Variants in MEGF8 observed in about 807,000 individuals in gnomAD.
The protein encoded by MEGF8 is multiple epidermal growth factor-like domains protein 8.
A neutral mutation model predicts 302.9 loss-of-function variants in MEGF8; 156 were observed. That is an observed-to-expected ratio of 0.52 (90% CI 0.45 to 0.59). MEGF8 has a LOEUF of 0.59. MEGF8 is among the 20% of genes least tolerant of loss of function. MEGF8 has a pLI of 0.00. For missense variants in MEGF8, 3,345 were observed against 3,964.5 expected, an observed-to-expected ratio of 0.84 and a Z score of 4.20; for synonymous variants, 1,621 against 1,660.5, an observed-to-expected ratio of 0.98 and a Z score of 0.58.
At position 42,357,005 on chromosome 19, in the gene MEGF8, T is replaced by C. The variant is rs559727463; in HGVS notation, c.4830+24T>C. 1 of 1,548,722 alleles carries C rather than the reference T, an allele frequency of 6.5e-7. No individual in the cohort carries two copies. Among genetic ancestry groups the C allele is most frequent in the South Asian group, 1.2e-5 (1 of 83,234 alleles). ...AGGTGAGCATCTCTCCCCAGCCCAC[T>C]CCCCAGCCCTCACACTGGGCCCTGA... is the stretch of plus-strand genomic sequence containing the variant. On this transcript the variant is annotated intron_variant, in intron 27 of 41. Coordinates refer to ENST00000251268, the MANE Select transcript of MEGF8 (RefSeq NM_001271938.2). The surrounding 1 kb of genome is among the most constrained non-coding windows in gnomAD (Gnocchi z 5.2).
chr19:42,329,988 G>C (rs1351663942), intron 1 of MEGF8, among the ~76,000 whole-genome samples: 1 of 151,986 alleles, frequency 6.6e-6, no homozygotes, highest in African/African-American at 2.4e-5. Context: ...TGTTGCCCAG[G>C]CTGGAGTGCA....
At chr19:42,365,658 G>C (rs1455975211) in intron 35 of MEGF8, among the ~76,000 whole-genome samples, 7 of 150,676 alleles carry the variant, frequency 4.6e-5, no homozygotes, top group African/African-American at 1.7e-4. Flanking sequence ...TGTAGTCCCA[G>C]CTACTTGGGA....
chr19:42,345,699 T>C (rs1056714281), intron 12 of MEGF8, among the ~76,000 whole-genome samples: 1 of 152,270 alleles, frequency 6.6e-6, no homozygotes, highest in African/African-American at 2.4e-5. Flanking sequence ...CATCAGCTGA[T>C]GGACGTTTGG....
rs762369657 is a variant in MEGF8 at position 42,352,342 on chromosome 19, G to T, written c.3236G>T (p.Arg1079Leu). The T allele has an allele frequency of 1.9e-6, 3 of 1,586,816 alleles. No individual in the cohort carries two copies. Among genetic ancestry groups the T allele is most frequent in the South Asian group, 1.1e-5 (1 of 87,128 alleles). ...CGCTGTCCTGACGTGGATGAGTGTC[G>T]CCTGGGCCTGGCCCGGTGCCACCCG... is the stretch of plus-strand genomic sequence containing the variant. ...YARCPDVDEC[R>L]LGLARCHPRA... Residue 1079 changes from arginine to leucine, a missense_variant, in exon 19 of 42, where the codon CGC (arginine) becomes CTC (leucine). Arg to Leu is a moderately radical substitution (Grantham distance 102, BLOSUM62 -2). Transcript: ENST00000251268. The surrounding 1 kb of genome is among the most constrained non-coding windows in gnomAD (Gnocchi z 4.4).
chr19:42,354,415 C>A lies in MEGF8; in HGVS notation c.4012-173C>A, dbSNP rs946714777. On this transcript the variant is annotated intron_variant, in intron 22 of 41. Transcript: ENST00000251268. The surrounding 1 kb of genome is among the most constrained non-coding windows in gnomAD (Gnocchi z 4.3). ...AGATGAGCCGTGTCTACTTTGGACA[C>A]AGGAAGGGGAGTGGTGGCCTTATGC... Among the ~76,000 whole-genome samples the A allele has an allele frequency of 5.9e-5, 9 of 152,112 alleles. No homozygotes were observed. The highest frequency in any genetic ancestry group is 1.3e-4 in the Non-Finnish European group (9 of 68,028).
At chr19:42,332,349 T>C (rs1297925831) in intron 1 of MEGF8, among the ~76,000 whole-genome samples, 8 of 152,166 alleles carry the variant, frequency 5.3e-5, no homozygotes, top group Non-Finnish European at 1.5e-5. Flanking sequence ...GTGTGGCCTT[T>C]TCTTGTGGCT....
At position 42,376,476 on chromosome 19, in the gene MEGF8, A is replaced by T; in HGVS notation, c.8239A>T (p.Met2747Leu). The change falls in exon 42 of 42, where the codon ATG (methionine) becomes TTG (leucine). Residue 2747 changes from methionine to leucine, a missense_variant. Met to Leu is a conservative substitution (Grantham distance 15, BLOSUM62 2). Transcript: ENST00000251268. The surrounding 1 kb of genome is among the most constrained non-coding windows in gnomAD (Gnocchi z 8.2). ...AGGGGCCGGTGGGCCCTGGGGACCC[A>T]TGGGAGGGGGCTGCTGCCCACCAGC... ...LTGAGGPWGP[M>L]GGGCCPPAIP... The T allele has an allele frequency of 6.2e-7, 1 of 1,603,798 alleles. No homozygotes were observed. Among genetic ancestry groups the T allele is most frequent in the South Asian group, 1.1e-5 (1 of 90,114 alleles).
intron 8 of MEGF8, among the ~76,000 whole-genome samples, chr19:42,340,728 CA>C (rs1424424800): frequency 1.3e-5 from 2 of 151,938 alleles, no homozygotes; most frequent in African/African-American, 4.8e-5. Flanking sequence ...AGTGCGGTAG[CA>C]TAGTCTCCAC....
chr19:42,334,976 GTC>G (rs1017131723), intron 3 of MEGF8, 57 bp from the exon 4 acceptor site: 28 of 1,507,220 alleles, frequency 1.9e-5, no homozygotes, highest in African/African-American at 9.8e-5. Flanking sequence ...TGTCTCCTTT[GTC>G]TCTCTGTCCT....
At chr19:42,332,765 G>A (rs1302980949) in intron 1 of MEGF8, among the ~76,000 whole-genome samples, 2 of 152,228 alleles carry the variant, frequency 1.3e-5, no homozygotes, top group Non-Finnish European at 2.9e-5. Flanking sequence ...AGCCTTGGAA[G>A]TTTCAGAATT....
rs1422305254 is a variant in MEGF8, at chr19:42,377,918, A to G, written c.*1143A>G. ...TGAGGGAGTCTGGCTCAGATGTGGG[A>G]TGTGTATGGAAGAATATAAATGATG... On this transcript the variant is annotated 3_prime_UTR_variant, in exon 42 of 42. Transcript: ENST00000251268. 2 of 152,158 alleles carry G rather than the reference A, an allele frequency of 1.3e-5. No individual in the cohort carries two copies. Among genetic ancestry groups the G allele is most frequent in the Non-Finnish European group, 2.9e-5 (2 of 68,108 alleles). 9.4% of individuals were successfully genotyped at this position (152,158 alleles called of 1,614,324 possible).
At position 42,335,373 on chromosome 19, in the gene MEGF8, G is replaced by C. The variant is rs750556225; in HGVS notation, c.816G>C (p.Leu272=). ...CCAACACCTGGGAGTCTTGGGACCT[G>C]AGTCCTGCCCCGGTATGGACCCCTC... is the stretch of plus-strand genomic sequence containing the variant. ...FSANTWESWD[L]SPAPAARHSH... is the part of the protein sequence containing the mutation. Residue 272 remains leucine (L), a synonymous_variant, in exon 5 of 42, where the codon CTG becomes CTC. Coordinates refer to ENST00000251268, the MANE Select transcript of MEGF8 (RefSeq NM_001271938.2). 1 of 1,614,014 alleles carries C rather than the reference G, an allele frequency of 6.2e-7. No homozygotes were observed. Among genetic ancestry groups the C allele is most frequent in the Non-Finnish European group, 8.5e-7 (1 of 1,179,866 alleles).
rs1207577441 is a variant in MEGF8 at position 42,351,277 on chromosome 19, G to A, written c.2798G>A (p.Arg933Gln). The A allele has an allele frequency of 2.0e-5, 32 of 1,572,454 alleles. No homozygotes were observed. The highest frequency in any genetic ancestry group is 2.6e-5 in the Non-Finnish European group (30 of 1,158,702). Residue 933 changes from arginine to glutamine, a missense_variant, in exon 16 of 42, where the codon CGG becomes CAG. By Grantham distance (43) the Arg-to-Gln change is conservative. Transcript: ENST00000251268. This position sits in a 1 kb window ranked among gnomAD's most constrained non-coding sequence, Gnocchi z 5.6. Reference sequence around the variant, plus strand: ...AAAGGGGACGCGGCATGCAGCCGGCGGGGCCGGGGTCGGGGTGCCCTGAAG... The same window carrying A: ...AAAGGGGACGCGGCATGCAGCCGGCAGGGCCGGGGTCGGGGTGCCCTGAAG... ...SRKGDAACSRRGRGRGALKSP... is the reference protein window; with the variant it reads ...SRKGDAACSRQGRGRGALKSP...
rs1225574443 is a variant in MEGF8, at chr19:42,375,786, C to G, written c.7549C>G (p.Pro2517Ala). ...TGACACCTTCGTGGTCCGTGTGGCC[C>G]CTGACACTGGCGTCCATACTGTACA... ...SYDTFVVRVAPDTGVHTVHIQ... is the reference protein window; with the variant it reads ...SYDTFVVRVAADTGVHTVHIQ... Residue 2517 changes from proline to alanine, a missense_variant, in exon 42 of 42, where the codon CCT (proline) becomes GCT (alanine). Coordinates refer to ENST00000251268, the MANE Select transcript of MEGF8 (RefSeq NM_001271938.2). The surrounding 1 kb of genome is among the most constrained non-coding windows in gnomAD (Gnocchi z 7.1). 1 of 1,612,878 alleles carries G rather than the reference C, an allele frequency of 6.2e-7. No individual in the cohort carries two copies. The highest frequency in any genetic ancestry group is 8.5e-7 in the Non-Finnish European group (1 of 1,179,834).
chr19:42,361,866 C>T (rs2039536047), intron 32 of MEGF8, among the ~76,000 whole-genome samples: 1 of 152,086 alleles, frequency 6.6e-6, no homozygotes, highest in Admixed American at 6.5e-5. Flanking sequence ...GCTTCGGTGG[C>T]TGCATGGGCA....
In MEGF8 at chr19:42,326,571, A is replaced by C; in HGVS notation, c.187+141A>C. 4 of 1,341,846 alleles carry C rather than the reference A, an allele frequency of 3.0e-6. No individual in the cohort carries two copies. The South Asian group carries it at 7.0e-5, about 23-fold the overall frequency. 83.1% of individuals were successfully genotyped at this position (1,341,846 alleles called of 1,614,324 possible). ...TGCCTGACACCCAGGGTTGCAGCCA[A>C]CCTGGGCCCTGCCCTGGAAGGCCTC... On this transcript the variant is annotated intron_variant, in intron 1 of 41. Transcript: ENST00000251268.
In MEGF8 at chr19:42,354,802, C is replaced by T; in HGVS notation, c.4144+82C>T. 1 of 1,447,914 alleles carries T rather than the reference C, an allele frequency of 6.9e-7. No individual in the cohort carries two copies. The highest frequency in any genetic ancestry group is 1.3e-5 in the South Asian group (1 of 74,558). The allele number at this position is 1,447,914 out of a possible 1,614,324, so 89.7% of individuals were successfully genotyped here. A position where few individuals can be genotyped will look rare whatever the true frequency, so the allele number is the denominator to read the frequency against. On this transcript the variant is annotated intron_variant, in intron 23 of 41. Transcript: ENST00000251268. The surrounding 1 kb of genome is among the most constrained non-coding windows in gnomAD (Gnocchi z 4.3). Reference sequence around the variant, plus strand: ...CTGAACTCACCACCTGAAGTGGGCTCAGGACCCAGCTCTGCCGCTGCTTAT... The same window carrying T: ...CTGAACTCACCACCTGAAGTGGGCTTAGGACCCAGCTCTGCCGCTGCTTAT...
rs370533137 is a variant in MEGF8 at position 42,326,112 on chromosome 19, G to C, written c.-132G>C. 2.2e-6 allele frequency: 3 copies of C among 1,342,564 alleles called. No individual in the cohort carries two copies. Among genetic ancestry groups the C allele is most frequent in the Admixed American group, 8.2e-5 (2 of 24,300 alleles). The allele number at this position is 1,342,564 out of a possible 1,614,324, so 83.2% of individuals were successfully genotyped here. A position where few individuals can be genotyped will look rare whatever the true frequency, so the allele number is the denominator to read the frequency against. ...CCTTCGCCGGGACTGCCGGGTCTCC[G>C]GGACCTCTTCGATCTACAAGGTCAT... On this transcript the variant is annotated 5_prime_UTR_variant, in exon 1 of 42. Transcript: ENST00000251268.
rs761765707 is a variant in MEGF8, at chr19:42,351,260, C to A, written c.2781C>A (p.Asp927Glu). ...EWHQSTSRKG[D>E]AACSRRGRGR... Reference sequence around the variant, plus strand: ...ATCAGAGCACCAGCCGCAAAGGGGACGCGGCATGCAGCCGGCGGGGCCGGG... The same window carrying A: ...ATCAGAGCACCAGCCGCAAAGGGGAAGCGGCATGCAGCCGGCGGGGCCGGG... Residue 927 changes from aspartate (D) to glutamate (E), a missense_variant, in exon 16 of 42, where the codon GAC becomes GAA. Transcript: ENST00000251268. The surrounding 1 kb of genome is among the most constrained non-coding windows in gnomAD (Gnocchi z 5.6). The A allele has an allele frequency of 1.6e-5, 25 of 1,572,580 alleles. 1 individual carries two copies. The highest frequency in any genetic ancestry group is 2.2e-5 in the Non-Finnish European group (25 of 1,158,764).
Sources: allele counts gnomAD v4.1 joint callset (sites outside exome capture counted in the v4.1 genomes callset), GRCh38; gene constraint gnomAD v4.1.1; non-coding constraint Gnocchi (gnomAD v3.1); transcripts MANE v1.5; gene names NCBI Gene and HGNC (gene_info 2026-07-23, HGNC 2026-07-21).